The following HHAT variants were observed in gnomAD, a reference collection of about 807,000 sequenced individuals.
The protein encoded by HHAT is protein-cysteine N-palmitoyltransferase HHAT.
A neutral mutation model predicts 70.8 loss-of-function variants in HHAT; 47 were observed. That is an observed-to-expected ratio of 0.66 (90% confidence interval 0.53 to 0.85). The LOEUF (loss-of-function observed/expected upper bound fraction) is 0.85, where lower values mean the gene tolerates loss of function less well. Ranked by LOEUF, HHAT falls within the 40% of genes least tolerant of loss-of-function variation. HHAT has a pLI of 0.00. For missense variants in HHAT, 609 were observed against 604.8 expected (o/e 1.01, Z -0.07); for synonymous variants, 228 against 247.6 (o/e 0.92, Z 0.74).
intron 1 of HHAT, 45 bp downstream of exon 1, chr1:210,329,149 T>A (rs150680072): frequency 1.6e-6 from 2 of 1,270,824 alleles, no homozygotes; most frequent in East Asian, 3.1e-5. Flanking sequence ...GGTTAGATGC[T>A]GAATTTTCTG....
At chr1:210,661,809 A>T (rs1024878732) in intron 11 of HHAT, among the ~76,000 whole-genome samples, 2 of 151,936 alleles carry the variant, frequency 1.3e-5, no homozygotes, top group South Asian at 4.2e-4. Context: ...TAAACACCAC[A>T]TGTTCTCACA....
intron 8 of HHAT, among the ~76,000 whole-genome samples, chr1:210,497,103 T>C (rs1025845778): frequency 6.6e-6 from 1 of 152,216 alleles, no homozygotes; most frequent in Non-Finnish European, 1.5e-5. Flanking sequence ...GTAATGAGCT[T>C]ATGGGAAATT....
chr1:210,656,311 G>C (rs1676403041), intron 11 of HHAT, among the ~76,000 whole-genome samples: 1 of 152,170 alleles, frequency 6.6e-6, no homozygotes, highest in Admixed American at 6.5e-5. Context: ...GTGTGACAGT[G>C]TCACTTGTAC....
intron 7 of HHAT, among the ~76,000 whole-genome samples, chr1:210,441,839 T>TAC (rs202140291): frequency 0.014 from 2,125 of 151,370 alleles, 21 homozygotes; most frequent in Middle Eastern, 0.024. Context: ...CACACATATA[T>TAC]ACACACACAC....
chr1:210,362,172 G>C (rs964116687), intron 2 of HHAT, among the ~76,000 whole-genome samples: 1 of 151,196 alleles, frequency 6.6e-6, no homozygotes. Context: ...ATTATATTTT[G>C]TTAGCATTAT....
chr1:210,360,676 GA>G (rs1231722162), intron 2 of HHAT, among the ~76,000 whole-genome samples: 1 of 152,096 alleles, frequency 6.6e-6, no homozygotes, highest in Non-Finnish European at 1.5e-5. Flanking sequence ...TCTGGATAGG[GA>G]GCATTTGAAA....
chr1:210,401,714 T>C lies in HHAT; in HGVS notation c.468+1052T>C, dbSNP rs115726468. On this transcript the variant is annotated intron_variant, in intron 5 of 11. Transcript: ENST00000261458. ...TAACAGTGCATTTTTACTTTATGAGTGCACATCAGACTTGACCCAGAGAAT... is the reference window on the plus strand; with the variant it reads ...TAACAGTGCATTTTTACTTTATGAGCGCACATCAGACTTGACCCAGAGAAT... Among the ~76,000 whole-genome samples, 622 of 152,318 alleles carry C rather than the reference T, an allele frequency of 4.1e-3. 7 individuals carry two copies. Among genetic ancestry groups the C allele is most frequent in the Non-Finnish European group, 6.2e-3 (420 of 68,022 alleles).
At chr1:210,413,030 C>G (rs1024799187) in intron 6 of HHAT, among the ~76,000 whole-genome samples, 2 of 152,228 alleles carry the variant, frequency 1.3e-5, no homozygotes, top group Non-Finnish European at 2.9e-5. Flanking sequence ...GACAGCCCCT[C>G]CTTTGCATCT....
intron 7 of HHAT, among the ~76,000 whole-genome samples, chr1:210,454,509 G>A (rs895276653): frequency 3.9e-5 from 6 of 152,120 alleles, no homozygotes; most frequent in Admixed American, 6.5e-5. Context: ...AGCCGAGATC[G>A]TGCCACTGCA....
chr1:210,537,999 A>G (rs981250238), intron 9 of HHAT, among the ~76,000 whole-genome samples: 5 of 152,080 alleles, frequency 3.3e-5, no homozygotes, highest in African/African-American at 1.2e-4. Context: ...TCTTCTTGCT[A>G]ATTAGAAATA....
At position 210,337,819 on chromosome 1, in the gene HHAT, G is replaced by T. The variant is rs1204783381; in HGVS notation, c.-44+8715G>T. ...GGTTGAGGACATGGACACTTCTAGG[G>T]GACCCATCTTTGGTGGACCCCACAG... On this transcript the variant is annotated intron_variant, in intron 1 of 11. Coordinates refer to ENST00000261458, the MANE Select transcript of HHAT (RefSeq NM_018194.6). Among the ~76,000 whole-genome samples the T allele has an allele frequency of 5.4e-5, 8 of 147,610 alleles. No homozygotes were observed. The Admixed American group carries it at 5.5e-4, about 10-fold the overall frequency.
intron 9 of HHAT, among the ~76,000 whole-genome samples, chr1:210,533,807 T>C (rs1023917736): frequency 6.6e-6 from 1 of 152,084 alleles, no homozygotes; most frequent in Non-Finnish European, 1.5e-5. Flanking sequence ...GCTTTCTCTC[T>C]AATAAAGAAA....
chr1:210,386,269 C>T (rs1276857848), intron 3 of HHAT, among the ~76,000 whole-genome samples: 12 of 73,724 alleles, frequency 1.6e-4, no homozygotes, highest in South Asian at 5.1e-4. Context: ...GACAGAGTCT[C>T]GCTCTGTCGC....
chr1:210,649,910 G>C (rs566630614), intron 11 of HHAT, among the ~76,000 whole-genome samples: 2 of 152,326 alleles, frequency 1.3e-5, no homozygotes, highest in Admixed American at 1.3e-4. Context: ...TACCTGCATA[G>C]GCTACTCATA....
At chr1:210,337,442 TATGGTTCTGG>T (rs913646215) in intron 1 of HHAT, among the ~76,000 whole-genome samples, 1 of 152,198 alleles carries the variant, frequency 6.6e-6, no homozygotes, top group African/African-American at 2.4e-5. Context: ...TTTATTACCT[TATGGTTCTGG>T]ATGTCAGAAG....
rs375693911 is a variant in HHAT at position 210,467,815 on chromosome 1, C to A, written c.1007+3160C>A. ...ACCCCCCATTTTAATGGAGCCATAC[C>A]CTCCTGAACACCATGTTGACTGATT... On this transcript the variant is annotated intron_variant, in intron 8 of 11. Transcript: ENST00000261458. 6.2e-4 allele frequency among the ~76,000 whole-genome samples: 95 copies of A among 152,198 alleles called. 5 individuals carry two copies. In the South Asian group the frequency reaches 0.019, roughly 31 times the overall value.
chr1:210,380,179 C>A (rs2294845), intron 3 of HHAT, among the ~76,000 whole-genome samples: 77,046 of 151,982 alleles, frequency 0.51, 20,189 homozygotes, highest in African/African-American at 0.66. Context: ...AATGCTTAAT[C>A]TATATGTAGA....
rs2092276574 is a variant in HHAT, at chr1:210,405,155, T to C, written c.684+476T>C. Among the ~76,000 whole-genome samples, 2 of 152,158 alleles carry C rather than the reference T, an allele frequency of 1.3e-5. 1 individual carries two copies. Among genetic ancestry groups the C allele is most frequent in the South Asian group, 4.1e-4 (2 of 4,822 alleles). On this transcript the variant is annotated intron_variant, in intron 6 of 11. Transcript: ENST00000261458. Reference sequence around the variant, plus strand: ...TGGGAGCTGTTCAGGGTGACCTAGGTGTGAAAACAGAGTGGAGTTGAAGTA... The same window carrying C: ...TGGGAGCTGTTCAGGGTGACCTAGGCGTGAAAACAGAGTGGAGTTGAAGTA...
intron 9 of HHAT, among the ~76,000 whole-genome samples, chr1:210,514,869 C>G (rs1274034298): frequency 6.6e-6 from 1 of 152,218 alleles, no homozygotes; most frequent in Admixed American, 6.5e-5. Flanking sequence ...CTTGCCAGGC[C>G]TGTAGTTAGA....
Sources: allele counts gnomAD v4.1 joint callset (sites outside exome capture counted in the v4.1 genomes callset), GRCh38; gene constraint gnomAD v4.1.1; transcripts MANE v1.5; gene names NCBI Gene and HGNC (gene_info 2026-07-23, HGNC 2026-07-21).